Variants in FKBP5 observed in about 807,000 individuals in gnomAD.
The protein encoded by FKBP5 is peptidyl-prolyl cis-trans isomerase FKBP5.
FKBP5 carries 23 observed loss-of-function variants against 50.5 expected under a neutral mutation model. The observed-to-expected ratio is 0.46, with a 90% confidence interval of 0.33 to 0.65. The LOEUF is 0.65. Among genes scored for constraint, FKBP5 ranks in the 30% least tolerant of loss-of-function variants. FKBP5 has a pLI of 0.02. For synonymous variants in FKBP5, 176 were observed against 190.6 expected (o/e 0.92, Z 0.63); for missense variants, 411 against 553.1 (o/e 0.74, Z 2.58).
chr6:35,596,247 C>A (rs1160387901), intron 6 of FKBP5, among the ~76,000 whole-genome samples: 1 of 151,854 alleles, frequency 6.6e-6, no homozygotes, highest in Non-Finnish European at 1.5e-5. Flanking sequence ...GCCAGCTACT[C>A]GGGAGGCTGA....
chr6:35,645,222 T>C (rs968293632), intron 1 of FKBP5, among the ~76,000 whole-genome samples: 9 of 152,152 alleles, frequency 5.9e-5, no homozygotes, highest in African/African-American at 1.7e-4. Flanking sequence ...CAAAAACAGA[T>C]TGTGGAGCAC....
At chr6:35,619,836 T>C (rs1236050206) in intron 4 of FKBP5, among the ~76,000 whole-genome samples, 3 of 152,208 alleles carry the variant, frequency 2.0e-5, no homozygotes, top group African/African-American at 7.2e-5. Context: ...TCCTGTACTC[T>C]GGTCAATTTT....
intron 2 of FKBP5, 87 bp from the exon 3 acceptor site, chr6:35,637,245 C>T: frequency 8.5e-7 from 1 of 1,174,398 alleles, no homozygotes; most frequent in East Asian, 2.4e-5. Context: ...CATCCCAAGA[C>T]ATCCAGGCAG....
At chr6:35,585,022 CATT>C in intron 8 of FKBP5, 2 of 985,390 alleles carry the variant, frequency 2.0e-6, no homozygotes, top group African/African-American at 1.7e-5. Flanking sequence ...GGCTTCATAA[CATT>C]ATTTCATTAC....
chr6:35,643,738 A>G (rs1028797855), intron 1 of FKBP5, among the ~76,000 whole-genome samples: 12 of 152,154 alleles, frequency 7.9e-5, no homozygotes, highest in Non-Finnish European at 1.6e-4. Context: ...CTGTCATACC[A>G]ACCTTGACCC....
Position 35,607,230 on chromosome 6 carries a change from G to A in FKBP5, c.509-9826C>T, listed in dbSNP as rs148757401. Reference sequence around the variant, plus strand: ...TAGGATTACAGGCATGTGCCACCACGCCCAGCCTGTTTTGTTTTGAGACAG... The same window carrying A: ...TAGGATTACAGGCATGTGCCACCACACCCAGCCTGTTTTGTTTTGAGACAG... On this transcript the variant is annotated intron_variant, in intron 5 of 10. Coordinates refer to ENST00000357266, the MANE Select transcript of FKBP5 (RefSeq NM_004117.4). Among the ~76,000 whole-genome samples the A allele has an allele frequency of 4.0e-3, 604 of 151,232 alleles. 5 individuals carry two copies. Among genetic ancestry groups the A allele is most frequent in the African/African-American group, 0.012 (477 of 41,064 alleles).
chr6:35,715,850 A>G (rs1444452205), intron 2 of FKBP5, among the ~76,000 whole-genome samples: 1 of 152,192 alleles, frequency 6.6e-6, no homozygotes, highest in Non-Finnish European at 1.5e-5. Context: ...AGAGAGGAGG[A>G]TGGTATAAAC....
At chr6:35,640,349 C>T (rs551119532) in intron 2 of FKBP5, among the ~76,000 whole-genome samples, 1 of 152,168 alleles carries the variant, frequency 6.6e-6, no homozygotes, top group East Asian at 1.9e-4. Flanking sequence ...TGTATCTAAG[C>T]ATATCTCAAC....
chr6:35,606,544 C>T (rs1763322690), intron 5 of FKBP5, among the ~76,000 whole-genome samples: 1 of 151,142 alleles, frequency 6.6e-6, no homozygotes, highest in Non-Finnish European at 1.5e-5. Context: ...CCTGTAGTCC[C>T]AGCTACTCGG....
At chr6:35,671,932 G>A (rs926569550) in intron 1 of FKBP5, among the ~76,000 whole-genome samples, 13 of 151,530 alleles carry the variant, frequency 8.6e-5, no homozygotes, top group African/African-American at 2.9e-4. Context: ...GCAGTGGCGC[G>A]ATCTCGGCTC....
At chr6:35,697,419 T>C (rs4713911) in intron 2 of FKBP5, among the ~76,000 whole-genome samples, 102,746 of 151,824 alleles carry the variant, frequency 0.68, 34,725 homozygotes, top group East Asian at 0.72. Flanking sequence ...TGGTGGCCCA[T>C]GCCTGTAATC....
In FKBP5 at chr6:35,607,787, G is replaced by A. The variant is rs182411528; in HGVS notation, c.509-10383C>T. 4 of 223,096 alleles carry A rather than the reference G, an allele frequency of 1.8e-5. No individual in the cohort carries two copies. The East Asian group carries it at 3.4e-4, about 19-fold the overall frequency. 13.8% of individuals were successfully genotyped at this position (223,096 alleles called of 1,614,324 possible). ...AGAGCTGTGTGGCTTCACCCCATAC[G>A]AGCGGTGCACCATGGAGTTACTGAA... is the stretch of plus-strand genomic sequence containing the variant. On this transcript the variant is annotated intron_variant, in intron 5 of 10. Coordinates refer to ENST00000357266, the MANE Select transcript of FKBP5 (RefSeq NM_004117.4).
chr6:35,635,960 AGATT>A (rs1214551204), intron 3 of FKBP5, among the ~76,000 whole-genome samples: 1 of 152,232 alleles, frequency 6.6e-6, no homozygotes, highest in Non-Finnish European at 1.5e-5. Context: ...ACAACTTGTA[AGATT>A]CATAAAAGTC....
chr6:35,709,036 T>C (rs185546513), intron 2 of FKBP5, among the ~76,000 whole-genome samples: 221 of 152,322 alleles, frequency 1.5e-3, no homozygotes, highest in African/African-American at 4.9e-3. Flanking sequence ...ATAGATATTA[T>C]ATTAGTCTGT....
chr6:35,576,034 G>A (rs1224511372), intron 10 of FKBP5, 92 bp from the exon 11 acceptor site: 9 of 876,980 alleles, frequency 1.0e-5, no homozygotes, highest in Admixed American at 3.5e-5. Context: ...TCCCAAACAC[G>A]AGGTATTGCA....
rs189053403 is a variant in FKBP5 at position 35,709,962 on chromosome 6, G to T, written c.-20+10366C>A. On this transcript the variant is annotated intron_variant, in intron 2 of 11. Transcript: ENST00000536438. ...AGGGTAATGCGATAAAAAGTCTTGA[G>T]AATTCCATTAGAGAGGGTAGTGAGG... Among the ~76,000 whole-genome samples, 108 of 152,244 alleles carry T rather than the reference G, an allele frequency of 7.1e-4. 1 individual carries two copies. Among genetic ancestry groups the T allele is most frequent in the Admixed American group, 1.2e-3 (19 of 15,292 alleles).
chr6:35,611,185 A>G (rs538020421), intron 5 of FKBP5, among the ~76,000 whole-genome samples: 69 of 152,282 alleles, frequency 4.5e-4, no homozygotes, highest in South Asian at 2.7e-3. Flanking sequence ...GAAATTCTCC[A>G]TAATTTCTGA....
upstream of FKBP5, chr6:35,688,956 C>G (rs1425814823): frequency 1.3e-5 from 2 of 151,596 alleles, no homozygotes; most frequent in African/African-American, 2.4e-5. Context: ...GGGGCAGCGC[C>G]CGGCGCCGTC....
At chr6:35,686,533 G>T (rs1765833184) in intron 1 of FKBP5, among the ~76,000 whole-genome samples, 1 of 152,098 alleles carries the variant, frequency 6.6e-6, no homozygotes, top group Non-Finnish European at 1.5e-5. Flanking sequence ...AAAAATAATG[G>T]AAGCTACAGT....
Sources: gnomAD v4.1 joint callset for allele counts (sites outside exome capture counted in the v4.1 genomes callset) on GRCh38, gnomAD v4.1.1 for gene constraint, MANE v1.5 for transcripts, NCBI Gene and HGNC (gene_info 2026-07-23, HGNC 2026-07-21) for gene names.